C8orf34: variants seen among roughly 807,000 people sequenced by gnomAD.
The protein encoded by C8orf34 is chromosome 8 open reading frame 34.
A neutral mutation model predicts 68.3 loss-of-function variants in C8orf34; 65 were observed. The observed-to-expected ratio is 0.95, with a 90% confidence interval of 0.78 to 1.17. C8orf34 has a LOEUF of 1.17. Ranked by LOEUF, C8orf34 falls within the 50% of genes most tolerant of loss-of-function variation. C8orf34 has a pLI of 0.00. For missense variants in C8orf34, 664 were observed against 655.4 expected, an observed-to-expected ratio of 1.01 and a Z score of -0.14; for synonymous variants, 244 against 241.2, an observed-to-expected ratio of 1.01 and a Z score of -0.11.
At chr8:68,569,103 G>T (rs1816689108) in intron 7 of C8orf34, among the ~76,000 whole-genome samples, 1 of 152,066 alleles carries the variant, frequency 6.6e-6, no homozygotes, top group Non-Finnish European at 1.5e-5. Context: ...CTGATTTATT[G>T]ACTCTTATAG....
chr8:68,627,435 C>T (rs545641364), intron 7 of C8orf34, among the ~76,000 whole-genome samples: 17 of 152,294 alleles, frequency 1.1e-4, no homozygotes, highest in Admixed American at 3.3e-4. Context: ...GCATAACCCT[C>T]CCCTGACATG....
At chr8:68,719,090 GT>G (rs1479029175) in intron 9 of C8orf34, among the ~76,000 whole-genome samples, 4 of 152,088 alleles carry the variant, frequency 2.6e-5, no homozygotes, top group African/African-American at 7.2e-5. Context: ...CTGTTAATGA[GT>G]GATGTACTTA....
intron 7 of C8orf34, among the ~76,000 whole-genome samples, chr8:68,545,659 A>C: frequency 6.6e-6 from 1 of 152,160 alleles, no homozygotes; most frequent in East Asian, 1.9e-4. Context: ...AATGATGGCA[A>C]AATAAAGATA....
intron 3 of C8orf34, chr8:68,448,082 T>C (rs1359341636): frequency 6.6e-6 from 1 of 152,172 alleles, no homozygotes; most frequent in Non-Finnish European, 1.5e-5. Context: ...TTTCTTCCAA[T>C]GATAAGTTCA....
At chr8:68,773,381 A>G (rs1823409335) in intron 10 of C8orf34, among the ~76,000 whole-genome samples, 1 of 151,926 alleles carries the variant, frequency 6.6e-6, no homozygotes, top group South Asian at 2.1e-4. Flanking sequence ...TTCCTCCAAG[A>G]ATCTTTTTAT....
intron 7 of C8orf34, among the ~76,000 whole-genome samples, chr8:68,595,084 A>G (rs945204746): frequency 6.6e-6 from 1 of 151,056 alleles, no homozygotes; most frequent in Non-Finnish European, 1.5e-5. Flanking sequence ...GACTTCATCC[A>G]GAGTTTTAGT....
intron 1 of C8orf34, among the ~76,000 whole-genome samples, chr8:68,369,735 T>G (rs1311736155): frequency 6.6e-6 from 1 of 152,210 alleles, no homozygotes; most frequent in East Asian, 1.9e-4. Flanking sequence ...ACTAGTCATC[T>G]GGAGAAGCAG....
chr8:68,701,096 A>G (rs1358178367), intron 8 of C8orf34, among the ~76,000 whole-genome samples: 1 of 152,102 alleles, frequency 6.6e-6, no homozygotes, highest in African/African-American at 2.4e-5. Flanking sequence ...GTGAAATATA[A>G]TATCATAATA....
chr8:68,482,467 G>A (rs540794648), intron 4 of C8orf34, among the ~76,000 whole-genome samples: 1 of 152,202 alleles, frequency 6.6e-6, no homozygotes, highest in African/African-American at 2.4e-5. Context: ...TAGAGACAAG[G>A]TCTCACTATG....
intron 1 of C8orf34, among the ~76,000 whole-genome samples, chr8:68,358,785 A>G (rs1806859146): frequency 6.6e-6 from 1 of 151,602 alleles, no homozygotes; most frequent in Admixed American, 6.6e-5. Context: ...AGCTCACTGC[A>G]GCCTCTGCCT....
intron 1 of C8orf34, among the ~76,000 whole-genome samples, chr8:68,402,106 G>A (rs969917234): frequency 3.3e-5 from 5 of 151,938 alleles, no homozygotes; most frequent in African/African-American, 1.2e-4. Context: ...GGACTATTCA[G>A]GATTTCTGTT....
chr8:68,641,620 A>G (rs558903583), intron 8 of C8orf34, among the ~76,000 whole-genome samples: 1 of 152,278 alleles, frequency 6.6e-6, no homozygotes, highest in Non-Finnish European at 1.5e-5. Flanking sequence ...TTTGTTTTAA[A>G]CTTTGTAGTA....
intron 8 of C8orf34, among the ~76,000 whole-genome samples, chr8:68,675,670 A>G (rs1010292939): frequency 2.6e-5 from 4 of 152,172 alleles, no homozygotes; most frequent in Admixed American, 6.6e-5. Context: ...TGAAAGAAAG[A>G]AGAAAGAAAC....
intron 1 of C8orf34, among the ~76,000 whole-genome samples, chr8:68,437,595 C>T (rs1314006252): frequency 6.6e-6 from 1 of 152,158 alleles, no homozygotes; most frequent in Non-Finnish European, 1.5e-5. Flanking sequence ...CTGAACTCTA[C>T]ATTACTTTAC....
At chr8:68,556,503 G>C (rs1182251185) in intron 7 of C8orf34, among the ~76,000 whole-genome samples, 1 of 152,012 alleles carries the variant, frequency 6.6e-6, no homozygotes, top group African/African-American at 2.4e-5. Flanking sequence ...TTGAAATGCA[G>C]ATTGTGAGCT....
intron 1 of C8orf34, among the ~76,000 whole-genome samples, chr8:68,360,585 TAGGGC>T (rs1260632401): frequency 6.6e-6 from 1 of 152,138 alleles, no homozygotes; most frequent in Non-Finnish European, 1.5e-5. Flanking sequence ...AATTCCAAAC[TAGGGC>T]AGCATTCTTG....
At chr8:68,510,026 C>G (rs1303448007) in intron 5 of C8orf34, among the ~76,000 whole-genome samples, 2 of 152,172 alleles carry the variant, frequency 1.3e-5, no homozygotes. Flanking sequence ...GCTTAATTGG[C>G]AGGAATCAGC....
At chr8:68,549,354 C>T (rs892636891) in intron 7 of C8orf34, among the ~76,000 whole-genome samples, 4 of 151,600 alleles carry the variant, frequency 2.6e-5, no homozygotes, top group Admixed American at 2.6e-4. Flanking sequence ...TTATTATATC[C>T]TATATTAATT....
At position 68,377,751 on chromosome 8, in the gene C8orf34, C is replaced by T. The variant is rs1415157620; in HGVS notation, c.327+46412C>T. 2.6e-5 allele frequency among the ~76,000 whole-genome samples: 4 copies of T among 151,888 alleles called. 1 individual carries two copies. The highest frequency in any genetic ancestry group is 7.3e-5 in the African/African-American group (3 of 41,326). ...TGCTAAAGCAGTTTATTAGTTTGTT[C>T]TCACGCTGCTATGAAAACATATCCA... On this transcript the variant is annotated intron_variant, in intron 1 of 13. Transcript: ENST00000518698.
Sources: gnomAD v4.1 joint callset for allele counts (sites outside exome capture counted in the v4.1 genomes callset) on GRCh38, gnomAD v4.1.1 for gene constraint, MANE v1.5 for transcripts, NCBI Gene and HGNC (gene_info 2026-07-23, HGNC 2026-07-21) for gene names.